Variants in GPC6 observed in about 807,000 individuals in gnomAD.
GPC6 encodes glypican 6.
GPC6 carries 14 observed loss-of-function variants against 55.2 expected under a neutral mutation model. The observed-to-expected ratio is 0.25, with a 90% confidence interval of 0.17 to 0.40. The LOEUF is 0.40. Ranked by LOEUF, GPC6 falls within the 10% of genes least tolerant of loss-of-function variation. The pLI, the probability that GPC6 is intolerant of heterozygous loss-of-function variation, is 1.00. For synonymous variants in GPC6, 278 were observed against 259.6 expected (o/e 1.07, Z -0.68); for missense variants, 641 against 708.5 (o/e 0.90, Z 1.08).
At chr13:93,580,800 A>G (rs1876900042) in intron 2 of GPC6, among the ~76,000 whole-genome samples, 1 of 152,206 alleles carries the variant, frequency 6.6e-6, no homozygotes, top group South Asian at 2.1e-4. Flanking sequence ...TTCATGGTCA[A>G]GTCAGAGGAG....
intron 1 of GPC6, among the ~76,000 whole-genome samples, chr13:93,510,959 A>ATATATATATATGTGTATATATATATG (rs1566396591): frequency 4.3e-3 from 82 of 18,870 alleles, no homozygotes; most frequent in Non-Finnish European, 7.4e-3. Context: ...AAATATATAT[A>ATATATATATATGTGTATATATATATG]TATATATATA....
rs144908862 is a variant in GPC6 at position 94,402,796 on chromosome 13, G to A, written c.1466-219G>A. Among the ~76,000 whole-genome samples, 112 of 152,222 alleles carry A rather than the reference G, an allele frequency of 7.4e-4. No individual in the cohort carries two copies. The East Asian group carries it at 0.017, about 23-fold the overall frequency. On this transcript the variant is annotated intron_variant, in intron 8 of 8. Transcript: ENST00000377047. ...GAAAGAGAAGTGCCAAGCCGTGGGG[G>A]AAGAGCCCCTTAAAAAACCATCAGA...
At chr13:94,271,214 A>G (rs1891997379) in intron 4 of GPC6, among the ~76,000 whole-genome samples, 1 of 151,160 alleles carries the variant, frequency 6.6e-6, no homozygotes, top group Non-Finnish European at 1.5e-5. Flanking sequence ...GATGGTCTCG[A>G]TCTCCTGACC....
chr13:94,010,275 T>A (rs1882193438), intron 3 of GPC6, among the ~76,000 whole-genome samples: 1 of 152,196 alleles, frequency 6.6e-6, no homozygotes, highest in Admixed American at 6.5e-5. Context: ...TAATTGTTCT[T>A]CCTAAATGTG....
intron 1 of GPC6, among the ~76,000 whole-genome samples, chr13:93,519,444 A>G (rs9524112): frequency 0.14 from 21,303 of 152,022 alleles, 1,656 homozygotes; most frequent in East Asian, 0.29. Context: ...TACAAGGCCA[A>G]GATAGAAACA....
chr13:93,891,833 A>ATG lies in GPC6; in HGVS notation c.711+61300_711+61301dup, dbSNP rs201115100. On this transcript the variant is annotated intron_variant, in intron 3 of 8. Transcript: ENST00000377047. ...AGTATATCTGTCATACACATACTAT[A>ATG]TGTGTGTGTGTGTATATGTAGTGTG... 2.3e-3 allele frequency among the ~76,000 whole-genome samples: 347 copies of ATG among 151,470 alleles called. 1 individual carries two copies. Among genetic ancestry groups the ATG allele is most frequent in the Admixed American group, 3.9e-3 (59 of 15,186 alleles).
intron 1 of GPC6, among the ~76,000 whole-genome samples, chr13:93,234,689 A>T (rs74108035): frequency 1.2e-3 from 44 of 35,696 alleles, no homozygotes; most frequent in East Asian, 5.0e-3. Flanking sequence ...TGTGTGTGTG[A>T]GAGAGAGAGA....
chr13:93,379,718 G>A (rs529461461), intron 1 of GPC6, among the ~76,000 whole-genome samples: 20 of 152,008 alleles, frequency 1.3e-4, no homozygotes, highest in South Asian at 4.1e-4. Flanking sequence ...TGTCTCGTTC[G>A]TTCAGTGGCT....
intron 6 of GPC6, among the ~76,000 whole-genome samples, chr13:94,379,831 A>G (rs1266552393): frequency 6.6e-6 from 1 of 152,158 alleles, no homozygotes; most frequent in African/African-American, 2.4e-5. Context: ...TTACAACCCT[A>G]TTTCTGCCAA....
At chr13:93,378,544 AT>A (rs1274210825) in intron 1 of GPC6, among the ~76,000 whole-genome samples, 3 of 152,094 alleles carry the variant, frequency 2.0e-5, no homozygotes, top group Admixed American at 1.3e-4. Flanking sequence ...GTCATACTGT[AT>A]TTTTATGTGT....
At chr13:93,232,194 A>G (rs1157564591) in intron 1 of GPC6, among the ~76,000 whole-genome samples, 2 of 152,000 alleles carry the variant, frequency 1.3e-5, no homozygotes, top group Non-Finnish European at 2.9e-5. Context: ...CACAGTAAAT[A>G]TCGTAGTTTG....
chr13:94,226,429 G>T (rs1278996445), intron 4 of GPC6, among the ~76,000 whole-genome samples: 1 of 152,088 alleles, frequency 6.6e-6, no homozygotes, highest in Non-Finnish European at 1.5e-5. Context: ...GATTTTGAAT[G>T]TTTGAATTTC....
intron 2 of GPC6, among the ~76,000 whole-genome samples, chr13:93,569,804 G>T (rs1876315825): frequency 6.6e-6 from 1 of 151,974 alleles, no homozygotes; most frequent in South Asian, 2.1e-4. Flanking sequence ...AAATATAGGT[G>T]ATAAAGTTAC....
chr13:94,041,905 C>G (rs748425803), intron 4 of GPC6, among the ~76,000 whole-genome samples: 5 of 151,866 alleles, frequency 3.3e-5, no homozygotes, highest in Non-Finnish European at 7.4e-5. Context: ...ACCTATCACT[C>G]ACCTTATTCT....
chr13:93,752,183 A>C (rs908730958), intron 2 of GPC6, among the ~76,000 whole-genome samples: 2 of 152,146 alleles, frequency 1.3e-5, no homozygotes, highest in Non-Finnish European at 2.9e-5. Flanking sequence ...ATTTTAGGTC[A>C]CAAGACCCTG....
intron 4 of GPC6, among the ~76,000 whole-genome samples, chr13:94,107,992 A>G (rs1201757914): frequency 6.6e-6 from 1 of 152,198 alleles, no homozygotes; most frequent in African/African-American, 2.4e-5. Flanking sequence ...TTCCTTAAAT[A>G]ACTAAAAGTA....
intron 2 of GPC6, among the ~76,000 whole-genome samples, chr13:93,572,561 A>G (rs1230320039): frequency 6.6e-6 from 1 of 152,158 alleles, no homozygotes; most frequent in Non-Finnish European, 1.5e-5. Context: ...TGCAGGTGAC[A>G]GTTTGACAAA....
intron 1 of GPC6, among the ~76,000 whole-genome samples, chr13:93,415,610 C>T (rs989056068): frequency 2.0e-5 from 3 of 152,068 alleles, no homozygotes; most frequent in East Asian, 1.9e-4. Context: ...GCCAGACTGC[C>T]TTCGAGAATA....
intron 1 of GPC6, among the ~76,000 whole-genome samples, chr13:93,294,277 T>G (rs1036135579): frequency 6.6e-6 from 1 of 152,146 alleles, no homozygotes; most frequent in Non-Finnish European, 1.5e-5. Flanking sequence ...AAGAAAATAA[T>G]AATAATTTTT....
Sources: gnomAD v4.1 joint callset for allele counts (sites outside exome capture counted in the v4.1 genomes callset) on GRCh38, gnomAD v4.1.1 for gene constraint, MANE v1.5 for transcripts, NCBI Gene and HGNC (gene_info 2026-07-23, HGNC 2026-07-21) for gene names.